The following PTK2 variants were observed in gnomAD, a reference collection of about 807,000 sequenced individuals.
PTK2 encodes the protein protein tyrosine kinase 2.
A neutral mutation model predicts 150.1 loss-of-function variants in PTK2; 45 were observed. That is an observed-to-expected ratio of 0.30 (90% CI 0.24 to 0.38). The LOEUF (loss-of-function observed/expected upper bound fraction) is 0.38. Among genes scored for constraint, PTK2 ranks in the 10% least tolerant of loss-of-function variants. The probability of loss-of-function intolerance (pLI) is 1.00; values close to 1 mark genes in which losing one functional copy is unlikely to be tolerated. For missense variants in PTK2, 919 were observed against 1,307.3 expected (o/e 0.70, Z 4.58); for synonymous variants, 432 against 449.2 (o/e 0.96, Z 0.48).
exon 11 of PTK2, chr8:140,803,570 T>C (rs1444410687): frequency 3.1e-6 from 5 of 1,613,702 alleles, no homozygotes; most frequent in Non-Finnish European, 4.2e-6. Flanking sequence ...TTTTTAGTTG[T>C]AGCATTCCTT....
At chr8:140,987,756 C>A (rs1189484661) in intron 1 of PTK2, among the ~76,000 whole-genome samples, 1 of 152,200 alleles carries the variant, frequency 6.6e-6, no homozygotes, top group Non-Finnish European at 1.5e-5. Context: ...TTAAGAATTT[C>A]AACAGGCCAG....
At chr8:140,894,267 C>G (rs1442593953) in intron 2 of PTK2, among the ~76,000 whole-genome samples, 2 of 152,166 alleles carry the variant, frequency 1.3e-5, no homozygotes, top group Non-Finnish European at 2.9e-5. Context: ...AAAAAGGGCC[C>G]TCACCAGAAC....
At chr8:140,799,424 A>C (rs1192661640) in intron 12 of PTK2, 2 of 152,488 alleles carry the variant, frequency 1.3e-5, no homozygotes, top group Non-Finnish European at 2.9e-5. Context: ...TAATCATCCT[A>C]GTCACTGAGG....
At chr8:140,725,401 C>T (rs1198726029) in intron 22 of PTK2, among the ~76,000 whole-genome samples, 1 of 152,168 alleles carries the variant, frequency 6.6e-6, no homozygotes, top group Non-Finnish European at 1.5e-5. Flanking sequence ...ATATAAGAAA[C>T]AACTGTGACA....
chr8:140,820,076 G>GTTTTGTT (rs2100107280), intron 8 of PTK2, among the ~76,000 whole-genome samples: 1 of 50,194 alleles, frequency 2.0e-5, no homozygotes, highest in Non-Finnish European at 4.2e-5. Flanking sequence ...TCTGACTTTG[G>GTTTTGTT]TTTTTTTTTT....
chr8:140,955,908 C>T (rs1195719412), intron 1 of PTK2, among the ~76,000 whole-genome samples: 1 of 152,204 alleles, frequency 6.6e-6, no homozygotes, highest in Non-Finnish European at 1.5e-5. Context: ...AGCCTCAACA[C>T]CATGCCTTCG....
chr8:140,714,243 T>C (rs1265019938), intron 23 of PTK2, among the ~76,000 whole-genome samples: 1 of 152,162 alleles, frequency 6.6e-6, no homozygotes, highest in East Asian at 1.9e-4. Flanking sequence ...TTTTCACCTA[T>C]AAAACTTACA....
chr8:140,919,411 C>T (rs983794553), intron 2 of PTK2, among the ~76,000 whole-genome samples: 1 of 152,178 alleles, frequency 6.6e-6, no homozygotes, highest in Non-Finnish European at 1.5e-5. Context: ...CCAAAGTTCA[C>T]GGTTTTAAAG....
intron 22 of PTK2, among the ~76,000 whole-genome samples, chr8:140,720,740 T>C (rs28637327): frequency 0.024 from 3,705 of 152,206 alleles, 156 homozygotes; most frequent in African/African-American, 0.086. Flanking sequence ...CAAAGAGCTC[T>C]AAGTCTTTTT....
intron 5 of PTK2, among the ~76,000 whole-genome samples, chr8:140,848,992 T>C (rs2100127408): frequency 1.3e-5 from 2 of 152,238 alleles, no homozygotes; most frequent in East Asian, 1.9e-4. Context: ...TCAAATGCTA[T>C]ATTTCATCAT....
chr8:140,769,963 T>C (rs78181339), intron 14 of PTK2, among the ~76,000 whole-genome samples: 2,833 of 152,294 alleles, frequency 0.019, 41 homozygotes, highest in Non-Finnish European at 0.023. Context: ...GGAACTTGTG[T>C]CCCCTCAGAT....
chr8:140,665,382 GTGTGTTCACCAAA>G (rs1319566427), intron 30 of PTK2, among the ~76,000 whole-genome samples: 2 of 152,070 alleles, frequency 1.3e-5, no homozygotes, highest in East Asian at 3.9e-4. Context: ...CTTTCCCCAA[GTGTGTTCACCAAA>G]TGTGTTCTCA....
rs529667005 is a variant in PTK2 at position 140,713,339 on chromosome 8, C to G, written c.2142+4259G>C. Among the ~76,000 whole-genome samples, 3 of 152,284 alleles carry G rather than the reference C, an allele frequency of 2.0e-5. No individual in the cohort carries two copies. The East Asian group carries it at 5.8e-4, about 29-fold the overall frequency. The stretch of plus-strand genomic sequence containing the variant: ...GCAGTGGCGCGATCTCAGCTCAGTG[C>G]AACCTGTGCCTCCTGGGTTCAAGTG... On this transcript the variant is annotated intron_variant, in intron 23 of 31. Coordinates refer to ENST00000522684, the Ensembl canonical transcript of PTK2.
Position 140,942,722 on chromosome 8 carries a change from T to C in PTK2, c.-121-16973A>G, listed in dbSNP as rs192122305. Among the ~76,000 whole-genome samples, 744 of 152,310 alleles carry C rather than the reference T, an allele frequency of 4.9e-3. 2 individuals are homozygous for C. Among genetic ancestry groups the C allele is most frequent in the Non-Finnish European group, 7.7e-3 (526 of 68,032 alleles). On this transcript the variant is annotated intron_variant, in intron 1 of 31. Transcript: ENST00000522684. Reference sequence around the variant, plus strand: ...GTCACTTTTTCTTCTCTTTAAAGTTTTATTTCTTGAGGCATAACGTGCACA... The same window carrying C: ...GTCACTTTTTCTTCTCTTTAAAGTTCTATTTCTTGAGGCATAACGTGCACA...
chr8:140,942,618 G>A (rs1371142694), intron 1 of PTK2, among the ~76,000 whole-genome samples: 1 of 120,122 alleles, frequency 8.3e-6, no homozygotes, highest in Non-Finnish European at 2.1e-5. Flanking sequence ...GAGCTCTAAT[G>A]AGTGCGTGCG....
chr8:140,954,100 G>A (rs368993535), intron 1 of PTK2, among the ~76,000 whole-genome samples: 3 of 151,830 alleles, frequency 2.0e-5, no homozygotes, highest in African/African-American at 4.8e-5. Context: ...TCAGCCTCCC[G>A]AGTAGCTGGG....
chr8:140,972,108 A>T (rs984212850), intron 1 of PTK2, among the ~76,000 whole-genome samples: 4 of 152,228 alleles, frequency 2.6e-5, no homozygotes, highest in African/African-American at 9.6e-5. Flanking sequence ...TTAAGAGATG[A>T]ACACTTGTAA....
intron 1 of PTK2, among the ~76,000 whole-genome samples, chr8:140,946,820 G>A (rs1451398312): frequency 6.6e-6 from 1 of 151,952 alleles, no homozygotes; most frequent in Non-Finnish European, 1.5e-5. Context: ...ACTCTGTTTG[G>A]TCTACTGATA....
At chr8:140,669,301 G>GTGCATATATATATA (rs1554641612) in intron 29 of PTK2, 2 of 97,982 alleles carry the variant, frequency 2.0e-5, no homozygotes, top group African/African-American at 9.3e-5. Flanking sequence ...GCATAAAATG[G>GTGCATATATATATA]TATATATATA....
Sources: allele counts gnomAD v4.1 joint callset (sites outside exome capture counted in the v4.1 genomes callset), GRCh38; gene constraint gnomAD v4.1.1; transcripts MANE v1.5; gene names NCBI Gene and HGNC (gene_info 2026-07-23, HGNC 2026-07-21).